SPTBN2: variants seen among roughly 807,000 people sequenced by gnomAD.
SPTBN2 encodes spectrin beta chain, non-erythrocytic 2.
SPTBN2 carries 107 observed loss-of-function variants against 284.2 expected under a neutral mutation model. The ratio of observed to expected loss-of-function variants is 0.38; its 90% CI spans 0.32 to 0.44. The LOEUF (loss-of-function observed/expected upper bound fraction) is 0.44. Among genes scored for constraint, SPTBN2 ranks in the 20% least tolerant of loss-of-function variants. The pLI is 1.00. For missense variants in SPTBN2, 2,569 were observed against 3,287.1 expected (o/e 0.78, Z 5.34); for synonymous variants, 1,289 against 1,354.8 (o/e 0.95, Z 1.07).
intron 3 of SPTBN2, among the ~76,000 whole-genome samples, chr11:66,719,133 G>C (rs928937463): frequency 6.6e-6 from 1 of 152,250 alleles, no homozygotes; most frequent in Non-Finnish European, 1.5e-5. Flanking sequence ...CTCAGAAACA[G>C]ACAAAGAGAA....
chr11:66,692,034 C>T (rs936577460), intron 26 of SPTBN2, among the ~76,000 whole-genome samples: 7 of 152,018 alleles, frequency 4.6e-5, no homozygotes, highest in Non-Finnish European at 7.4e-5. Context: ...TCCTGTTTGC[C>T]CTTGTCTCAG....
chr11:66,725,730 C>T lies in SPTBN2; in HGVS notation c.-114+3011G>A, dbSNP rs765625629. On this transcript the variant is annotated intron_variant, in intron 1 of 37. Coordinates refer to ENST00000533211, the MANE Select transcript of SPTBN2 (RefSeq NM_006946.4). ...GTGCTAGAAGAATGCCAACCCCCGC[C>T]GGCTGCAGGCTTGGGGTCCTGCTGG... is the stretch of plus-strand genomic sequence containing the variant. Among the ~76,000 whole-genome samples the T allele has an allele frequency of 8.5e-5, 13 of 152,314 alleles. 1 individual carries two copies. The highest frequency in any genetic ancestry group is 9.6e-5 in the African/African-American group (4 of 41,574).
At chr11:66,729,831 G>A (rs371896181), upstream of SPTBN2, among the ~76,000 whole-genome samples, 1 of 152,046 alleles carries the variant, frequency 6.6e-6, no homozygotes, top group Non-Finnish European at 1.5e-5. Flanking sequence ...AGACGGAGTC[G>A]TGCTCTGTCA....
rs1204626277 is a variant in SPTBN2, at chr11:66,707,730, C to T, written c.1439G>A (p.Arg480Gln). 1 of 1,605,888 alleles carries T rather than the reference C, an allele frequency of 6.2e-7. No individual in the cohort carries two copies. Reference protein sequence around the residue: ...IETDIVAYSGRVQAVDAVAAE... With the variant: ...IETDIVAYSGQVQAVDAVAAE... ...AGCCACGGCGTCCACTGCCTGCACC[C>T]GGCCGCTGTAGGCCACGATGTCCGT... The change falls in exon 13 of 38, where the codon CGG becomes CAG. Residue 480 changes from arginine (R) to glutamine (Q), a missense_variant. Transcript: ENST00000533211. The surrounding 1 kb of genome is among the most constrained non-coding windows in gnomAD (Gnocchi z 4.9).
chr11:66,704,118 G>GC (rs921307435), intron 15 of SPTBN2, among the ~76,000 whole-genome samples: 5 of 151,556 alleles, frequency 3.3e-5, no homozygotes, highest in East Asian at 2.0e-4. Flanking sequence ...GACTACAGGC[G>GC]CCCCCCACTG....
rs2276138 is a variant in SPTBN2 at position 66,688,916 on chromosome 11, T to C, written c.6035-67A>G. On this transcript the variant is annotated intron_variant, in intron 30 of 37. Transcript: ENST00000533211. ...GGCCACTGGCAGGGCACAGTGGCCA[T>C]GGCAACCTCAAGAACAGGGACACAG... is the stretch of plus-strand genomic sequence containing the variant. 803,731 of 1,573,270 alleles carry C rather than the reference T, an allele frequency of 0.51. 211,123 individuals carry two copies. Among genetic ancestry groups the C allele is most frequent in the Admixed American group, 0.66 (38,830 of 58,616 alleles).
upstream of SPTBN2, among the ~76,000 whole-genome samples, chr11:66,731,966 T>C (rs566254976): frequency 3.9e-5 from 6 of 152,282 alleles, no homozygotes; most frequent in African/African-American, 1.4e-4. Flanking sequence ...GTGTTATGAA[T>C]GAAAAGTTCA....
chr11:66,742,076 C>A (rs1336349940), intron 1 of SPTBN2, among the ~76,000 whole-genome samples: 3 of 152,186 alleles, frequency 2.0e-5, no homozygotes, highest in African/African-American at 4.8e-5. Flanking sequence ...CCTGCCTTGG[C>A]CTCCCAAAGT....
Position 66,688,166 on chromosome 11 carries a change from C to T in SPTBN2, c.6374+3G>A, listed in dbSNP as rs367543982. On this transcript the variant is annotated splice_donor_region_variant and intron_variant, in intron 32 of 37. Coordinates refer to ENST00000533211, the MANE Select transcript of SPTBN2 (RefSeq NM_006946.4). ...CCTCCTACCCAGGCATCCTGGCTCTCACCCGTCCCAGGTGGTGTCAGAAGC... is the reference window on the plus strand; with the variant it reads ...CCTCCTACCCAGGCATCCTGGCTCTTACCCGTCCCAGGTGGTGTCAGAAGC... The T allele has an allele frequency of 1.2e-6, 2 of 1,613,396 alleles. No individual in the cohort carries two copies. The highest frequency in any genetic ancestry group is 1.3e-5 in the African/African-American group (1 of 74,926).
intron 1 of SPTBN2, among the ~76,000 whole-genome samples, chr11:66,722,551 G>A (rs1480249158): frequency 7.3e-6 from 1 of 136,328 alleles, no homozygotes; most frequent in African/African-American, 2.8e-5. Flanking sequence ...ACTCCAGCCT[G>A]GGCGGCAGAA....
At position 66,691,794 on chromosome 11, in the gene SPTBN2, C is replaced by G. The variant is rs1178868817; in HGVS notation, c.5191-136G>C. The G allele has an allele frequency of 7.5e-7, 1 of 1,341,288 alleles. No homozygotes were observed. Among genetic ancestry groups the G allele is most frequent in the Non-Finnish European group, 1.0e-6 (1 of 965,122 alleles). 83.1% of individuals were successfully genotyped at this position (1,341,288 alleles called of 1,614,324 possible). ...ATGGGGGCCGGGACAGGTTTCTTCC[C>G]TGTGGTTAAGGAGTAGGTGCAGCTG... On this transcript the variant is annotated intron_variant, in intron 26 of 37. Coordinates refer to ENST00000533211, the MANE Select transcript of SPTBN2 (RefSeq NM_006946.4). This position sits in a 1 kb window ranked among gnomAD's most constrained non-coding sequence, Gnocchi z 8.0.
chr11:66,701,734 A>G lies in SPTBN2; in HGVS notation c.2679-13T>C, dbSNP rs746235555. ...CAGGGTCTCGAACCTGAGAGGGTGGAAGAGCCAGGCGTGAATTGTGGGAGG... is the reference window on the plus strand; with the variant it reads ...CAGGGTCTCGAACCTGAGAGGGTGGGAGAGCCAGGCGTGAATTGTGGGAGG... On this transcript the variant is annotated splice_polypyrimidine_tract_variant and intron_variant, in intron 15 of 37. Transcript: ENST00000533211. The G allele has an allele frequency of 1.9e-6, 3 of 1,613,996 alleles. No individual in the cohort carries two copies. The Admixed American group carries it at 5.0e-5, about 27-fold the overall frequency.
intron 1 of SPTBN2, among the ~76,000 whole-genome samples, chr11:66,734,253 C>A (rs936593222): frequency 6.6e-6 from 1 of 152,134 alleles, no homozygotes; most frequent in South Asian, 2.1e-4. Context: ...TTATTCTCTG[C>A]GCTCTTCCTG....
At chr11:66,695,764 G>A (rs1443550290) in intron 21 of SPTBN2, among the ~76,000 whole-genome samples, 1 of 151,350 alleles carries the variant, frequency 6.6e-6, no homozygotes, top group Non-Finnish European at 1.5e-5. Context: ...TTGAGACAGA[G>A]GCTTGCCCAG....
In SPTBN2 at chr11:66,705,016, C is replaced by T. The variant is rs756995292; in HGVS notation, c.2260G>A (p.Ala754Thr). ...CAGGCCTCCATGTCGTTTGCATCGGCCTGGAACTGGTAGAGGCTGGCGGCT... is the reference window on the plus strand; with the variant it reads ...CAGGCCTCCATGTCGTTTGCATCGGTCTGGAACTGGTAGAGGCTGGCGGCT... ...AQAASLYQFQ[A>T]DANDMEAWLV... Residue 754 changes from alanine to threonine, a missense_variant, in exon 15 of 38, where the codon GCC (alanine) becomes ACC (threonine). Ala to Thr is a moderately conservative substitution (Grantham distance 58, BLOSUM62 0). Coordinates refer to ENST00000533211, the MANE Select transcript of SPTBN2 (RefSeq NM_006946.4). 1.9e-6 allele frequency: 3 copies of T among 1,603,560 alleles called. No homozygotes were observed. Among genetic ancestry groups the T allele is most frequent in the Non-Finnish European group, 2.5e-6 (3 of 1,179,740 alleles).
chr11:66,715,541 G>T lies in SPTBN2; in HGVS notation c.310-146C>A. On this transcript the variant is annotated intron_variant, in intron 4 of 37. Coordinates refer to ENST00000533211, the MANE Select transcript of SPTBN2 (RefSeq NM_006946.4). The surrounding 1 kb of genome is among the most constrained non-coding windows in gnomAD (Gnocchi z 5.3). ...CAGCCCCAGGGCTGGAGCCAAAGCT[G>T]AGCTTACAGATGAGGCTTGGGCAGA... The T allele has an allele frequency of 8.6e-7, 1 of 1,168,428 alleles. No individual in the cohort carries two copies. 72.4% of individuals were successfully genotyped at this position (1,168,428 alleles called of 1,614,324 possible). A position where few individuals can be genotyped will look rare whatever the true frequency, so the allele number is the denominator to read the frequency against.
chr11:66,692,424 G>C, intron 26 of SPTBN2, 112 bp downstream of exon 26: 1 of 1,295,922 alleles, frequency 7.7e-7, no homozygotes, highest in Non-Finnish European at 1.1e-6. Context: ...TGCTCAGCCT[G>C]GTCTTGCCCC....
Position 66,687,364 on chromosome 11 carries a change from CCTCT to C in SPTBN2, c.6722+59_6722+62del. The stretch of plus-strand genomic sequence containing the variant: ...AGATGTACTCTAAAGGGCATCCCTC[CCTCT>C]ATCTGGGCAGAGGCTCTGGGGAAGT... On this transcript the variant is annotated intron_variant, in intron 35 of 37. Coordinates refer to ENST00000533211, the MANE Select transcript of SPTBN2 (RefSeq NM_006946.4). This position sits in a 1 kb window ranked among gnomAD's most constrained non-coding sequence, Gnocchi z 5.2. The C allele has an allele frequency of 1.3e-6, 2 of 1,586,036 alleles. No individual in the cohort carries two copies. The highest frequency in any genetic ancestry group is 1.7e-6 in the Non-Finnish European group (2 of 1,166,988).
At chr11:66,743,082 G>A (rs966381111) in intron 1 of SPTBN2, among the ~76,000 whole-genome samples, 15 of 142,982 alleles carry the variant, frequency 1.0e-4, no homozygotes, top group African/African-American at 3.9e-4. Flanking sequence ...CTTCCCCTTG[G>A]CAACTCCTCT....
Sources: gnomAD v4.1 joint callset for allele counts (sites outside exome capture counted in the v4.1 genomes callset) on GRCh38, gnomAD v4.1.1 for gene constraint, Gnocchi (gnomAD v3.1) non-coding constraint, MANE v1.5 for transcripts, NCBI Gene and HGNC (gene_info 2026-07-23, HGNC 2026-07-21) for gene names.